ZCCHC17: variants seen among roughly 807,000 people sequenced by gnomAD.
ZCCHC17 encodes the protein zinc finger CCHC-type containing 17.
ZCCHC17 carries 18 observed loss-of-function variants against 30.6 expected under a neutral mutation model. The observed-to-expected ratio is 0.59, with a 90% CI of 0.41 to 0.87. The LOEUF (loss-of-function observed/expected upper bound fraction) is 0.87. ZCCHC17 is among the 40% of genes least tolerant of loss of function. ZCCHC17 has a pLI of 0.00. For synonymous variants in ZCCHC17, 88 were observed against 92.4 expected (o/e 0.95, Z 0.27); for missense variants, 263 against 284.2 (o/e 0.93, Z 0.54).
intron 3 of ZCCHC17, among the ~76,000 whole-genome samples, chr1:31,322,262 C>T (rs1017884203): frequency 3.9e-5 from 6 of 152,160 alleles, no homozygotes; most frequent in African/African-American, 1.2e-4. Context: ...ATTCCACAAA[C>T]TTAAGGGCTC....
chr1:31,313,409 A>C (rs1245745748), intron 2 of ZCCHC17, among the ~76,000 whole-genome samples: 3 of 152,106 alleles, frequency 2.0e-5, no homozygotes, highest in Non-Finnish European at 4.4e-5. Flanking sequence ...TTTATACTTG[A>C]TATTCATACT....
At position 31,337,187 on chromosome 1, in the gene ZCCHC17, G is replaced by A. The variant is rs762726112; in HGVS notation, c.137G>A (p.Arg46Gln). ...PGCRKQGLVH[R>Q]THMSSCRVDK... is the part of the protein sequence containing the mutation. Reference sequence around the variant, plus strand: ...TTCTTGTGCCCAGGTCTGGTCCATCGAACTCATATGTCATCCTGTCGGGTG... The same window carrying A: ...TTCTTGTGCCCAGGTCTGGTCCATCAAACTCATATGTCATCCTGTCGGGTG... The change falls in exon 4 of 8, where the codon CGA becomes CAA. Residue 46 changes from arginine to glutamine, a missense_variant. Coordinates refer to ENST00000344147, the MANE Select transcript of ZCCHC17 (RefSeq NM_016505.4). The A allele has an allele frequency of 1.1e-5, 17 of 1,613,760 alleles. No individual in the cohort carries two copies. The highest frequency in any genetic ancestry group is 8.3e-5 in the Admixed American group (5 of 59,960).
At chr1:31,304,495 G>A (rs2148406607) in intron 1 of ZCCHC17, among the ~76,000 whole-genome samples, 2 of 151,930 alleles carry the variant, frequency 1.3e-5, no homozygotes, top group South Asian at 4.2e-4. Context: ...TGTTGCCCAG[G>A]CTATTCTCGA....
At chr1:31,347,536 T>G (rs1639318887) in intron 6 of ZCCHC17, among the ~76,000 whole-genome samples, 3 of 152,322 alleles carry the variant, frequency 2.0e-5, no homozygotes, top group Admixed American at 6.5e-5. Flanking sequence ...TGTGGGAACA[T>G]TCCAGGTATT....
At chr1:31,344,012 G>T (rs1288605565) in intron 5 of ZCCHC17, among the ~76,000 whole-genome samples, 3 of 151,778 alleles carry the variant, frequency 2.0e-5, no homozygotes, top group African/African-American at 7.3e-5. Flanking sequence ...GTACCACTAT[G>T]CTCGGCTAAT....
intron 6 of ZCCHC17, 68 bp from the exon 7 acceptor site, chr1:31,348,761 G>A: frequency 6.3e-7 from 1 of 1,592,382 alleles, no homozygotes; most frequent in Non-Finnish European, 8.6e-7. Flanking sequence ...GAGACTTGGG[G>A]AAAGATTCAC....
intron 7 of ZCCHC17, 25 bp from the exon 8 acceptor site, chr1:31,364,007 T>C (rs1246475999): frequency 6.2e-7 from 1 of 1,607,266 alleles, no homozygotes; most frequent in Non-Finnish European, 8.5e-7. Context: ...ACATACAGTG[T>C]TGATTTTTAA....
At chr1:31,349,109 C>T in intron 7 of ZCCHC17, 135 bp downstream of exon 7, 1 of 1,087,156 alleles carries the variant, frequency 9.2e-7, no homozygotes, top group Non-Finnish European at 1.3e-6. Context: ...TGCTCGAGGC[C>T]AGAAGTTTAA....
intron 5 of ZCCHC17, among the ~76,000 whole-genome samples, chr1:31,342,056 G>GT (rs1048214545): frequency 1.3e-5 from 2 of 151,962 alleles, no homozygotes; most frequent in African/African-American, 4.8e-5. Flanking sequence ...TATTCATTTA[G>GT]TTTTTTTGAG....
Position 31,348,941 on chromosome 1 carries a change from C to T in ZCCHC17, c.531C>T (p.Asp177=), listed in dbSNP as rs1160931556. The part of the protein sequence containing the change: ...EAKSAEFEKP[D]PTRNPSRKRK... Reference sequence around the variant, plus strand: ...AGTCAGCAGAGTTTGAGAAGCCTGACCCTACAAGGAATCCTTCTAGAAAAA... The same window carrying T: ...AGTCAGCAGAGTTTGAGAAGCCTGATCCTACAAGGAATCCTTCTAGAAAAA... The change falls in exon 7 of 8, where the codon GAC becomes GAT. Residue 177 remains aspartate (D), a synonymous_variant. Transcript: ENST00000344147. 3 of 1,593,282 alleles carry T rather than the reference C, an allele frequency of 1.9e-6. No individual in the cohort carries two copies. The South Asian group carries it at 3.4e-5, about 18-fold the overall frequency.
intron 1 of ZCCHC17, among the ~76,000 whole-genome samples, chr1:31,299,065 T>A (rs544712020): frequency 3.9e-5 from 6 of 152,184 alleles, no homozygotes; most frequent in Admixed American, 2.6e-4. Context: ...TTAGCAAGAG[T>A]TATTTTGTTG....
chr1:31,333,843 A>G lies in ZCCHC17; in HGVS notation c.125-3332A>G, dbSNP rs933011570. 3.3e-5 allele frequency among the ~76,000 whole-genome samples: 5 copies of G among 152,348 alleles called. No individual in the cohort carries two copies. The South Asian group carries it at 1.0e-3, about 32-fold the overall frequency. ...ACTTTCTGTTTTAGGGAAGAAGAAT[A>G]GTGTTCCCTCAAGTATATTAGGTTC... On this transcript the variant is annotated intron_variant, in intron 3 of 7. Transcript: ENST00000344147.
intron 5 of ZCCHC17, 156 bp from the exon 6 acceptor site, chr1:31,346,484 A>T (rs1639276992): frequency 1.4e-6 from 1 of 707,336 alleles, no homozygotes; most frequent in African/African-American, 1.8e-5. Context: ...GCTATTTCAC[A>T]TCATTGCATT....
In ZCCHC17 at chr1:31,300,678, A is replaced by G. The variant is rs1009229831; in HGVS notation, c.-56+3603A>G. ...AGGCCGGGTGCTGTGGCTCACTCCTATAATCCCAGCACTTTGGGAGGCCGA... is the reference window on the plus strand; with the variant it reads ...AGGCCGGGTGCTGTGGCTCACTCCTGTAATCCCAGCACTTTGGGAGGCCGA... On this transcript the variant is annotated intron_variant, in intron 1 of 7. Coordinates refer to ENST00000344147, the MANE Select transcript of ZCCHC17 (RefSeq NM_016505.4). Among the ~76,000 whole-genome samples the G allele has an allele frequency of 6.6e-5, 10 of 152,134 alleles. No individual in the cohort carries two copies. The East Asian group carries it at 1.9e-3, about 29-fold the overall frequency.
At chr1:31,332,546 T>G (rs1638633405) in intron 3 of ZCCHC17, among the ~76,000 whole-genome samples, 1 of 152,124 alleles carries the variant, frequency 6.6e-6, no homozygotes, top group Non-Finnish European at 1.5e-5. Context: ...TTGGAAATAA[T>G]GCATGCTCAT....
chr1:31,363,024 T>A (rs776161061), intron 7 of ZCCHC17, among the ~76,000 whole-genome samples: 1 of 152,192 alleles, frequency 6.6e-6, no homozygotes, highest in African/African-American at 2.4e-5. Context: ...CATACACAGT[T>A]TATATCATGT....
At chr1:31,337,497 C>T (rs1014127914) in intron 4 of ZCCHC17, among the ~76,000 whole-genome samples, 6 of 152,106 alleles carry the variant, frequency 3.9e-5, no homozygotes, top group East Asian at 1.9e-4. Flanking sequence ...AATAAGTGCA[C>T]GTTTGTAAAA....
intron 7 of ZCCHC17, among the ~76,000 whole-genome samples, chr1:31,358,975 C>T (rs780259877): frequency 2.0e-5 from 3 of 152,014 alleles, no homozygotes; most frequent in Non-Finnish European, 4.4e-5. Flanking sequence ...AAGGAACAGC[C>T]AAGGAAGTTT....
intron 3 of ZCCHC17, among the ~76,000 whole-genome samples, chr1:31,326,962 A>G (rs2148438672): frequency 6.6e-6 from 1 of 152,302 alleles, no homozygotes; most frequent in African/African-American, 2.4e-5. Flanking sequence ...TGGCTCAGGT[A>G]GGTAGATTCT....
Sources: gnomAD v4.1 joint callset for allele counts (sites outside exome capture counted in the v4.1 genomes callset) on GRCh38, gnomAD v4.1.1 for gene constraint, MANE v1.5 for transcripts, NCBI Gene and HGNC (gene_info 2026-07-23, HGNC 2026-07-21) for gene names.